GRM7: variants seen among roughly 807,000 people sequenced by gnomAD.
GRM7 encodes glutamate metabotropic receptor 7, also known as metabotropic glutamate receptor 7.
A neutral mutation model predicts 84.5 loss-of-function variants in GRM7; 35 were observed. The observed-to-expected ratio is 0.41, with a 90% CI of 0.32 to 0.55. GRM7 has a LOEUF of 0.55. GRM7 is among the 20% of genes least tolerant of loss of function. The pLI is 0.19. For synonymous variants in GRM7, 487 were observed against 455.1 expected, an observed-to-expected ratio of 1.07 and a Z score of -0.89; for missense variants, 1,003 against 1,194.6, an observed-to-expected ratio of 0.84 and a Z score of 2.36.
chr3:7,079,749 T>C (rs1004476885), intron 1 of GRM7, among the ~76,000 whole-genome samples: 2 of 152,096 alleles, frequency 1.3e-5, no homozygotes, highest in Admixed American at 1.3e-4. Context: ...ATATGTTGAA[T>C]AGAGGCCCTG....
At chr3:6,926,460 A>G (rs1280979051) in intron 1 of GRM7, among the ~76,000 whole-genome samples, 1 of 152,214 alleles carries the variant, frequency 6.6e-6, no homozygotes, top group Non-Finnish European at 1.5e-5. Context: ...AAAACTCCTG[A>G]ATGTTAGCTA....
intron 6 of GRM7, among the ~76,000 whole-genome samples, chr3:7,460,680 T>A (rs1315412786): frequency 1.3e-5 from 2 of 152,198 alleles, no homozygotes; most frequent in Non-Finnish European, 2.9e-5. Flanking sequence ...CAGAACTCAG[T>A]TACTGAATGT....
At position 7,667,421 on chromosome 3, in the gene GRM7, G is replaced by C. The variant is rs866723795; in HGVS notation, c.2452-12628G>C. ...CTGAGTACACTATGTAGGAGACTTC[G>C]GTATTTTATTTCTCTTCCTGCTCCA... On this transcript the variant is annotated intron_variant, in intron 8 of 9. Transcript: ENST00000357716. Among the ~76,000 whole-genome samples the C allele has an allele frequency of 3.4e-4, 52 of 152,056 alleles. 2 individuals are homozygous for C. The highest frequency in any genetic ancestry group is 3.4e-3 in the Middle Eastern group (1 of 294).
At chr3:7,614,529 A>G (rs1696995049) in intron 8 of GRM7, among the ~76,000 whole-genome samples, 1 of 152,216 alleles carries the variant, frequency 6.6e-6, no homozygotes, top group Non-Finnish European at 1.5e-5. Context: ...TACTTAAAAC[A>G]TATAGTTGGG....
chr3:7,693,304 G>A (rs1700881282), intron 9 of GRM7, among the ~76,000 whole-genome samples: 1 of 152,150 alleles, frequency 6.6e-6, no homozygotes. Flanking sequence ...ATTAAACTCA[G>A]AAGATTTGCT....
chr3:7,539,927 A>C (rs1239762840), intron 7 of GRM7, among the ~76,000 whole-genome samples: 2 of 152,132 alleles, frequency 1.3e-5, no homozygotes, highest in Non-Finnish European at 2.9e-5. Flanking sequence ...ACTTTCCTTG[A>C]CTTCATCAGT....
intron 2 of GRM7, among the ~76,000 whole-genome samples, chr3:7,194,996 A>G (rs1332301911): frequency 2.0e-5 from 3 of 152,130 alleles, no homozygotes; most frequent in Admixed American, 6.6e-5. Context: ...ATTCGCTGCT[A>G]TATCCCAGAG....
chr3:7,660,192 A>G (rs1409534104), intron 8 of GRM7, among the ~76,000 whole-genome samples: 1 of 152,230 alleles, frequency 6.6e-6, no homozygotes, highest in East Asian at 1.9e-4. Flanking sequence ...TTTAATGGTG[A>G]CATCTGGCAG....
chr3:7,076,706 G>C (rs1329473482), intron 1 of GRM7, among the ~76,000 whole-genome samples: 1 of 152,042 alleles, frequency 6.6e-6, no homozygotes, highest in Non-Finnish European at 1.5e-5. Context: ...ACTGTTCAAA[G>C]GTGAGATCAT....
At chr3:7,004,179 C>T (rs78171437) in intron 1 of GRM7, among the ~76,000 whole-genome samples, 5,267 of 152,108 alleles carry the variant, frequency 0.035, 333 homozygotes, top group African/African-American at 0.12. Flanking sequence ...TACATGTAAG[C>T]CAAACTCAGT....
intron 9 of GRM7, among the ~76,000 whole-genome samples, chr3:7,731,435 A>G (rs1179591713): frequency 1.3e-5 from 2 of 152,244 alleles, no homozygotes; most frequent in African/African-American, 2.4e-5. Context: ...CAAAAGTTAT[A>G]TCAGTGAGAA....
chr3:7,267,413 T>C (rs991097969), intron 2 of GRM7, among the ~76,000 whole-genome samples: 1 of 152,202 alleles, frequency 6.6e-6, no homozygotes, highest in African/African-American at 2.4e-5. Flanking sequence ...AATGAATTAA[T>C]GAGAAAGTTG....
At chr3:7,296,391 A>G (rs1211870448) in intron 2 of GRM7, among the ~76,000 whole-genome samples, 1 of 152,048 alleles carries the variant, frequency 6.6e-6, no homozygotes, top group Non-Finnish European at 1.5e-5. Flanking sequence ...GGTATTAGGT[A>G]ATACCTCATA....
At chr3:7,327,093 GTTAA>G (rs1365408229) in intron 4 of GRM7, among the ~76,000 whole-genome samples, 1 of 152,200 alleles carries the variant, frequency 6.6e-6, no homozygotes, top group African/African-American at 2.4e-5. Flanking sequence ...ATGTTAATTG[GTTAA>G]TTAAAGTGCT....
intron 8 of GRM7, among the ~76,000 whole-genome samples, chr3:7,599,316 GTTTCT>G (rs532423766): frequency 1.1e-3 from 165 of 152,168 alleles, no homozygotes; most frequent in Non-Finnish European, 1.8e-3. Flanking sequence ...TTGTTAGTCT[GTTTCT>G]TTTCTTTTCA....
At chr3:7,100,686 T>A (rs149995820) in intron 1 of GRM7, among the ~76,000 whole-genome samples, 145 of 151,860 alleles carry the variant, frequency 9.5e-4, no homozygotes, top group African/African-American at 3.4e-3. Flanking sequence ...GAGAGGAATT[T>A]TAAGAGTTTT....
At chr3:7,619,393 G>A (rs542016253) in intron 8 of GRM7, among the ~76,000 whole-genome samples, 1 of 152,060 alleles carries the variant, frequency 6.6e-6, no homozygotes, top group African/African-American at 2.4e-5. Context: ...TACAAGTTAA[G>A]GAGAAATGGG....
intron 2 of GRM7, among the ~76,000 whole-genome samples, chr3:7,255,251 GA>G (rs1400272941): frequency 6.6e-6 from 1 of 152,168 alleles, no homozygotes; most frequent in Non-Finnish European, 1.5e-5. Context: ...TTACAAATTG[GA>G]AAGGCTAAAT....
At chr3:7,032,387 G>A (rs1696223696) in intron 1 of GRM7, among the ~76,000 whole-genome samples, 2 of 152,146 alleles carry the variant, frequency 1.3e-5, no homozygotes, top group African/African-American at 4.8e-5. Flanking sequence ...ATTCCATAAG[G>A]TTATGTGAGC....
Sources: gnomAD v4.1 joint callset for allele counts (sites outside exome capture counted in the v4.1 genomes callset) on GRCh38, gnomAD v4.1.1 for gene constraint, MANE v1.5 for transcripts, NCBI Gene and HGNC (gene_info 2026-07-23, HGNC 2026-07-21) for gene names.